TENT5D: variants seen among roughly 807,000 people sequenced by gnomAD.
TENT5D encodes cancer/testis antigen 112.
For missense variants in TENT5D, 191 were observed against 287.0 expected (o/e 0.67, Z 2.42); for synonymous variants, 103 against 100.6 (o/e 1.02, Z -0.15).
chrX:80,437,720 C>A (rs1258726792), intron 1 of TENT5D, among the ~76,000 whole-genome samples: 2 of 111,372 alleles, frequency 1.8e-5, no homozygotes, highest in Non-Finnish European at 3.8e-5. Context: ...GAAACAAATG[C>A]AATGTGTCAA....
At chrX:80,366,661 C>T (rs536448450) in intron 3 of TENT5D, among the ~76,000 whole-genome samples, 1 of 111,319 alleles carries the variant, frequency 9.0e-6, no homozygotes, top group South Asian at 3.8e-4. Context: ...ATACTCACTA[C>T]ACATTTTCCC....
chrX:80,339,910 T>C (rs1929926773), intron 2 of TENT5D, among the ~76,000 whole-genome samples: 1 of 108,547 alleles, frequency 9.2e-6, no homozygotes, highest in African/African-American at 3.3e-5. Context: ...TCAAAAAGAT[T>C]GTTTCTCTAA....
At chrX:80,416,640 G>C (rs889295811), upstream of TENT5D, among the ~76,000 whole-genome samples, 2 of 110,326 alleles carry the variant, frequency 1.8e-5, no homozygotes, top group African/African-American at 6.6e-5. Flanking sequence ...GGGGTGGGGG[G>C]TGCTGTGGTC....
At chrX:80,430,008 T>C (rs746962652) in intron 1 of TENT5D, among the ~76,000 whole-genome samples, 1 of 110,331 alleles carries the variant, frequency 9.1e-6, no homozygotes, top group East Asian at 2.9e-4. Flanking sequence ...TTTTTTTTCT[T>C]CACCGTCTTT....
At chrX:80,375,866 C>G (rs1004829135) in intron 3 of TENT5D, among the ~76,000 whole-genome samples, 6 of 111,844 alleles carry the variant, frequency 5.4e-5, no homozygotes, top group Admixed American at 1.9e-4. Context: ...TTTTTATTCT[C>G]TTAAGATTGT....
intron 3 of TENT5D, among the ~76,000 whole-genome samples, chrX:80,402,343 TAAAC>T (rs1931403696): frequency 8.9e-6 from 1 of 111,822 alleles, no homozygotes; most frequent in Admixed American, 9.5e-5. Context: ...GTCTTTTCAA[TAAAC>T]TAACTCAGTT....
chrX:80,341,316 G>A (rs1035724758), intron 2 of TENT5D, among the ~76,000 whole-genome samples: 3 of 112,081 alleles, frequency 2.7e-5, no homozygotes, highest in Non-Finnish European at 5.6e-5. Context: ...TACATCTTAC[G>A]GAAAAGCTGG....
At chrX:80,358,549 C>T (rs891770037) in intron 3 of TENT5D, among the ~76,000 whole-genome samples, 5 of 112,179 alleles carry the variant, frequency 4.5e-5, no homozygotes, top group East Asian at 2.8e-4. Context: ...TTACCTTTTG[C>T]GTGAAGCTGT....
intron 1 of TENT5D, among the ~76,000 whole-genome samples, chrX:80,426,483 T>C (rs1233554439): frequency 9.0e-6 from 1 of 111,710 alleles, no homozygotes; most frequent in East Asian, 2.8e-4. Flanking sequence ...TGAAGTGAGA[T>C]TTTTACAAAC....
chrX:80,408,823 G>A (rs1478763723), intron 3 of TENT5D, among the ~76,000 whole-genome samples: 1 of 110,596 alleles, frequency 9.0e-6, no homozygotes, highest in East Asian at 2.9e-4. Flanking sequence ...CAATATCCTT[G>A]ATGAACATTG....
At chrX:80,344,688 G>A (rs753759142) in intron 3 of TENT5D, among the ~76,000 whole-genome samples, 1 of 110,744 alleles carries the variant, frequency 9.0e-6, no homozygotes, top group Non-Finnish European at 1.9e-5. Flanking sequence ...AGCAGAAGTG[G>A]TAGTGCTTAG....
intron 3 of TENT5D, among the ~76,000 whole-genome samples, chrX:80,360,629 T>C (rs1242521652): frequency 8.9e-6 from 1 of 111,855 alleles, no homozygotes; most frequent in Non-Finnish European, 1.9e-5. Context: ...TGCAGATTAT[T>C]GTTGGCTACA....
intron 3 of TENT5D, among the ~76,000 whole-genome samples, chrX:80,358,523 T>A (rs1930335697): frequency 8.9e-6 from 1 of 112,572 alleles, no homozygotes; most frequent in African/African-American, 3.2e-5. Flanking sequence ...ACACATATTT[T>A]ATTATAACCA....
intron 3 of TENT5D, among the ~76,000 whole-genome samples, chrX:80,383,272 A>G (rs767835966): frequency 1.2e-4 from 14 of 112,045 alleles, no homozygotes; most frequent in Non-Finnish European, 2.6e-4. Flanking sequence ...TTCCAACTGC[A>G]GCAAACTCTG....
intron 1 of TENT5D, among the ~76,000 whole-genome samples, chrX:80,421,716 G>A (rs1931886499): frequency 8.9e-6 from 1 of 111,936 alleles, no homozygotes; most frequent in African/African-American, 3.2e-5. Flanking sequence ...AACTGCAGAT[G>A]TGAGAGAAAA....
At chrX:80,356,594 A>C (rs1413255763) in intron 3 of TENT5D, among the ~76,000 whole-genome samples, 1 of 111,394 alleles carries the variant, frequency 9.0e-6, no homozygotes, top group Non-Finnish European at 1.9e-5. Flanking sequence ...ATTACTTTTT[A>C]AGAGAAATGT....
intron 3 of TENT5D, among the ~76,000 whole-genome samples, chrX:80,353,004 C>A (rs1222414087): frequency 8.9e-6 from 1 of 111,752 alleles, no homozygotes; most frequent in Non-Finnish European, 1.9e-5. Flanking sequence ...GTGGGCTGCA[C>A]CCACTGCCTA....
chrX:80,360,957 A>T (rs1251096844), intron 3 of TENT5D, among the ~76,000 whole-genome samples: 2 of 111,805 alleles, frequency 1.8e-5, no homozygotes, highest in East Asian at 5.6e-4. Context: ...CAGAGAAGCA[A>T]ATTGAGGTTC....
chrX:80,346,571 G>A (rs1036714356), intron 3 of TENT5D, among the ~76,000 whole-genome samples: 1 of 111,455 alleles, frequency 9.0e-6, no homozygotes, highest in Admixed American at 9.5e-5. Flanking sequence ...TTTTTTATTT[G>A]CATTTATCTA....
Sources: gnomAD v4.1 joint callset for allele counts (sites outside exome capture counted in the v4.1 genomes callset) on GRCh38, gnomAD v4.1.1 for gene constraint, MANE v1.5 for transcripts, NCBI Gene and HGNC (gene_info 2026-07-23, HGNC 2026-07-21) for gene names.